WDR33: variants seen among roughly 807,000 people sequenced by gnomAD.
WDR33 encodes the protein WD repeat domain 33.
Under a neutral mutation model 164.9 loss-of-function variants are expected in WDR33, and 47 were observed. The observed-to-expected ratio is 0.29, with a 90% CI of 0.23 to 0.36. The LOEUF (loss-of-function observed/expected upper bound fraction) is 0.36, where lower values mean the gene tolerates loss of function less well. Ranked by LOEUF, WDR33 falls within the 10% of genes least tolerant of loss-of-function variation. The pLI is 1.00. For synonymous variants in WDR33, 505 were observed against 589.0 expected (o/e 0.86, Z 2.06); for missense variants, 1,137 against 1,754.1 (o/e 0.65, Z 6.28).
intron 7 of WDR33, chr2:127,737,809 G>C: frequency 7.4e-7 from 1 of 1,343,690 alleles, no homozygotes; most frequent in Non-Finnish European, 9.5e-7. Context: ...GCCAGATTAA[G>C]GATACACTTC....
intron 7 of WDR33, among the ~76,000 whole-genome samples, chr2:127,733,833 A>G (rs1686770883): frequency 6.6e-6 from 1 of 152,218 alleles, no homozygotes; most frequent in Non-Finnish European, 1.5e-5. Flanking sequence ...ACAACAAAAA[A>G]TTATCTTTCA....
In WDR33 at chr2:127,741,666, G is replaced by A. The variant is rs1465742253; in HGVS notation, c.725-14889C>T. 7.2e-5 allele frequency among the ~76,000 whole-genome samples: 11 copies of A among 152,180 alleles called. No homozygotes were observed. Among genetic ancestry groups the A allele is most frequent in the Non-Finnish European group, 1.5e-4 (10 of 68,036 alleles). ...TCTCTGGACAACCAAGGGTCACTGC[G>A]TTATTTGAGAAAAAGCAAGTACCAG... On this transcript the variant is annotated intron_variant, in intron 7 of 21. Transcript: ENST00000322313. The surrounding 1 kb of genome is among the most constrained non-coding windows in gnomAD (Gnocchi z 4.1).
intron 7 of WDR33, among the ~76,000 whole-genome samples, chr2:127,749,368 G>T (rs922299690): frequency 6.6e-6 from 1 of 151,748 alleles, no homozygotes; most frequent in Non-Finnish European, 1.5e-5. Context: ...TGATGATGAA[G>T]AAACACCATA....
chr2:127,762,975 G>A, intron 7 of WDR33, 87 bp downstream of exon 7: 1 of 1,592,216 alleles, frequency 6.3e-7, no homozygotes, highest in South Asian at 1.1e-5. Flanking sequence ...GAATGGAGGT[G>A]TAAGCCAGTA....
chr2:127,713,438 G>C lies in WDR33; in HGVS notation c.3308+145C>G, dbSNP rs544147632. 5 of 925,016 alleles carry C rather than the reference G, an allele frequency of 5.4e-6. No homozygotes were observed. In the East Asian group the frequency reaches 1.3e-4, roughly 23 times the overall value. The allele number at this position is 925,016 out of a possible 1,614,324, so 57.3% of individuals were successfully genotyped here. A position where few individuals can be genotyped will look rare whatever the true frequency, so the allele number is the denominator to read the frequency against. ...GTTAAAAAGCACACTTTTTTTAAAC[G>C]TCCAAATGCAAACTCTACAGAGTGC... On this transcript the variant is annotated intron_variant, in intron 18 of 21. Coordinates refer to ENST00000322313, the MANE Select transcript of WDR33 (RefSeq NM_018383.5). The surrounding 1 kb of genome is among the most constrained non-coding windows in gnomAD (Gnocchi z 6.2).
chr2:127,731,726 AATGT>A (rs1489203993), intron 7 of WDR33, among the ~76,000 whole-genome samples: 1 of 152,176 alleles, frequency 6.6e-6, no homozygotes, highest in Non-Finnish European at 1.5e-5. Flanking sequence ...TCTAGATTAG[AATGT>A]ATTTATTTGT....
chr2:127,711,424 CAAAA>C (rs1197934586), intron 18 of WDR33, among the ~76,000 whole-genome samples: 2 of 53,770 alleles, frequency 3.7e-5, no homozygotes, highest in African/African-American at 6.6e-5. Context: ...GATTCCCTCT[CAAAA>C]AAAAAAAAAA....
intron 7 of WDR33, among the ~76,000 whole-genome samples, chr2:127,742,809 C>G (rs1687055887): frequency 1.4e-5 from 2 of 147,548 alleles, no homozygotes; most frequent in African/African-American, 2.5e-5. Context: ...CTGCAGATGA[C>G]AGTATGCCAA....
At position 127,701,505 on chromosome 2, in the gene WDR33, C is replaced by G; in HGVS notation, c.*4818G>C. 7.8e-7 allele frequency: 1 copy of G among 1,285,468 alleles called. No homozygotes were observed. The highest frequency in any genetic ancestry group is 9.9e-7 in the Non-Finnish European group (1 of 1,012,862). 79.6% of individuals were successfully genotyped at this position (1,285,468 alleles called of 1,614,324 possible). A position where few individuals can be genotyped will look rare whatever the true frequency, so the allele number is the denominator to read the frequency against. On this transcript the variant is annotated 3_prime_UTR_variant, in exon 22 of 22. Transcript: ENST00000322313. ...GGCCGGAAGTGAGCCGCAGCTTTTC[C>G]TTTCTGCCACCGCCTTGTCCAAGAT...
chr2:127,701,813 G>T lies in WDR33; in HGVS notation c.*4510C>A. The T allele has an allele frequency of 6.9e-7, 1 of 1,456,980 alleles. No homozygotes were observed. The highest frequency in any genetic ancestry group is 9.0e-7 in the Non-Finnish European group (1 of 1,108,738). 90.3% of individuals were successfully genotyped at this position (1,456,980 alleles called of 1,614,324 possible). On this transcript the variant is annotated 3_prime_UTR_variant, in exon 22 of 22. Coordinates refer to ENST00000322313, the MANE Select transcript of WDR33 (RefSeq NM_018383.5). ...CTGCACTGTGTTTCGGCCTAGCCGC[G>T]CTCTACGCACCGGTGTTGCTGCTGC...
chr2:127,807,392 G>T (rs1689478477), intron 1 of WDR33, among the ~76,000 whole-genome samples: 1 of 152,182 alleles, frequency 6.6e-6, no homozygotes, highest in East Asian at 1.9e-4. Context: ...TAAGTTGAGA[G>T]CAAACAGAGT....
At chr2:127,734,339 AACGTTCCTT>A (rs1434933164) in intron 7 of WDR33, among the ~76,000 whole-genome samples, 1 of 152,214 alleles carries the variant, frequency 6.6e-6, no homozygotes, top group African/African-American at 2.4e-5. Context: ...TATCCAGCTA[AACGTTCCTT>A]CAGAGTCCTA....
chr2:127,726,813 T>C lies in WDR33; in HGVS notation c.725-36A>G. The C allele has an allele frequency of 6.2e-7, 1 of 1,610,728 alleles. No individual in the cohort carries two copies. Among genetic ancestry groups the C allele is most frequent in the South Asian group, 1.1e-5 (1 of 90,508 alleles). On this transcript the variant is annotated intron_variant, in intron 7 of 21. Transcript: ENST00000322313. The surrounding 1 kb of genome is among the most constrained non-coding windows in gnomAD (Gnocchi z 4.8). ...CAAGTTAGGATTAAAACCTAATTAGTTACATGCATTTAAAGCAATTTAAAC... is the reference window on the plus strand; with the variant it reads ...CAAGTTAGGATTAAAACCTAATTAGCTACATGCATTTAAAGCAATTTAAAC...
At chr2:127,746,149 G>A (rs975035724) in intron 7 of WDR33, among the ~76,000 whole-genome samples, 3 of 151,398 alleles carry the variant, frequency 2.0e-5, no homozygotes, top group African/African-American at 7.3e-5. Context: ...TGAGATGATA[G>A]TGGAAATAAA....
intron 7 of WDR33, among the ~76,000 whole-genome samples, chr2:127,733,256 C>T (rs1357966280): frequency 2.0e-5 from 3 of 152,172 alleles, no homozygotes; most frequent in Non-Finnish European, 4.4e-5. Flanking sequence ...CCAGACACTA[C>T]AAAGTCCACT....
chr2:127,785,682 G>A (rs11904422), intron 1 of WDR33, among the ~76,000 whole-genome samples: 6,129 of 151,812 alleles, frequency 0.04, 369 homozygotes, highest in African/African-American at 0.13. Flanking sequence ...ATTACTTTTC[G>A]TTACTCTATG....
rs1262606199 is a variant in WDR33 at position 127,769,538 on chromosome 2, A to AAGTTT, written c.205-538_205-537insAAACT. Among the ~76,000 whole-genome samples, 116 of 152,234 alleles carry AAGTTT rather than the reference A, an allele frequency of 7.6e-4. 1 individual carries two copies. Among genetic ancestry groups the AAGTTT allele is most frequent in the African/African-American group, 2.6e-3 (109 of 41,540 alleles). ...ACTCCAACACAGTCTCCCTGATGCT[A>AAGTTT]CCTTAAGAAAAGGAAACAGCAGAGA... On this transcript the variant is annotated intron_variant, in intron 2 of 21. Coordinates refer to ENST00000322313, the MANE Select transcript of WDR33 (RefSeq NM_018383.5).
chr2:127,806,204 CTTTTTCT>C (rs1171590966), intron 1 of WDR33, among the ~76,000 whole-genome samples: 10 of 144,526 alleles, frequency 6.9e-5, no homozygotes, highest in Non-Finnish European at 1.4e-4. Context: ...AGTTGTTTTT[CTTTTTCT>C]TTTTTTTTTT....
chr2:127,784,844 T>C (rs1001665433), intron 1 of WDR33, among the ~76,000 whole-genome samples: 1 of 152,346 alleles, frequency 6.6e-6, no homozygotes, highest in African/African-American at 2.4e-5. Context: ...ATCCAATTTT[T>C]ATCACATTCC....
Sources: gnomAD v4.1 joint callset for allele counts (sites outside exome capture counted in the v4.1 genomes callset) on GRCh38, gnomAD v4.1.1 for gene constraint, Gnocchi (gnomAD v3.1) non-coding constraint, MANE v1.5 for transcripts, NCBI Gene and HGNC (gene_info 2026-07-23, HGNC 2026-07-21) for gene names.